The following CACNA1D variants were observed in gnomAD, a reference collection of about 807,000 sequenced individuals.
CACNA1D encodes voltage-dependent L-type calcium channel subunit alpha-1D.
In CACNA1D, 55 loss-of-function variants were observed where a neutral mutation model predicts 257.1. The observed-to-expected ratio is 0.21, with a 90% confidence interval of 0.17 to 0.27. CACNA1D has a LOEUF of 0.27. Ranked by LOEUF, CACNA1D falls within the 10% of genes least tolerant of loss-of-function variation. CACNA1D has a pLI of 1.00. For synonymous variants in CACNA1D, 980 were observed against 1,014.9 expected (o/e 0.97, Z 0.65); for missense variants, 1,876 against 2,784.0 (o/e 0.67, Z 7.34).
At chr3:53,715,900 A>G (rs914447103) in intron 9 of CACNA1D, among the ~76,000 whole-genome samples, 1 of 152,208 alleles carries the variant, frequency 6.6e-6, no homozygotes, top group Non-Finnish European at 1.5e-5. Context: ...AGCAACTAGA[A>G]CATTTCATAC....
In CACNA1D at chr3:53,811,463, G is replaced by A. The variant is rs952871862; in HGVS notation, c.*57G>A. 2.8e-6 allele frequency: 4 copies of A among 1,422,364 alleles called. No homozygotes were observed. The highest frequency in any genetic ancestry group is 2.8e-6 in the Non-Finnish European group (3 of 1,062,390). 88.1% of individuals were successfully genotyped at this position (1,422,364 alleles called of 1,614,324 possible). On this transcript the variant is annotated 3_prime_UTR_variant, in exon 48 of 48. Coordinates refer to ENST00000350061, the MANE Select transcript of CACNA1D (RefSeq NM_001128840.3). The surrounding 1 kb of genome is among the most constrained non-coding windows in gnomAD (Gnocchi z 4.2). The stretch of plus-strand genomic sequence containing the variant: ...CAGGTGGGGCGCAGGAGAGCCAGGG[G>A]AAAAGTGCCTCATAGTTAGGAAAGT...
At chr3:53,703,910 G>T (rs1261041385) in intron 9 of CACNA1D, among the ~76,000 whole-genome samples, 1 of 152,198 alleles carries the variant, frequency 6.6e-6, no homozygotes, top group African/African-American at 2.4e-5. Flanking sequence ...CCGCCGACGA[G>T]GGATCGAGGA....
At chr3:53,802,013 G>C in intron 42 of CACNA1D, 134 bp from the exon 43 acceptor site, 1 of 800,384 alleles carries the variant, frequency 1.2e-6, no homozygotes, top group South Asian at 1.4e-5. Flanking sequence ...CCAGGTGGCA[G>C]CCCCTATGTG....
At chr3:53,505,986 TCTG>T (rs2090829294) in intron 3 of CACNA1D, among the ~76,000 whole-genome samples, 1 of 152,172 alleles carries the variant, frequency 6.6e-6, no homozygotes, top group African/African-American at 2.4e-5. Flanking sequence ...GTCCGTTGTA[TCTG>T]CATGGTCACG....
intron 3 of CACNA1D, among the ~76,000 whole-genome samples, chr3:53,565,348 G>A (rs1270893275): frequency 2.0e-5 from 3 of 151,744 alleles, no homozygotes; most frequent in African/African-American, 7.3e-5. Flanking sequence ...ACACACACAC[G>A]TACACACATG....
At chr3:53,680,589 G>A (rs538099062) in intron 8 of CACNA1D, among the ~76,000 whole-genome samples, 2 of 152,218 alleles carry the variant, frequency 1.3e-5, no homozygotes, top group East Asian at 1.9e-4. Context: ...CAAATCCTAG[G>A]GGAAGAGAAT....
Position 53,698,944 on chromosome 3 carries a change from G to A in CACNA1D, c.1221-3697G>A, listed in dbSNP as rs566356824. 1.1e-3 allele frequency among the ~76,000 whole-genome samples: 174 copies of A among 151,690 alleles called. 1 individual carries two copies. Among genetic ancestry groups the A allele is most frequent in the Middle Eastern group, 0.01 (3 of 294 alleles). Reference sequence around the variant, plus strand: ...TTTTAGTCACTTGCAAAAGTCTGTTGGTTTCTACCAATAGCTTTATTAAAT... The same window carrying A: ...TTTTAGTCACTTGCAAAAGTCTGTTAGTTTCTACCAATAGCTTTATTAAAT... On this transcript the variant is annotated intron_variant, in intron 8 of 47. Transcript: ENST00000350061.
intron 15 of CACNA1D, among the ~76,000 whole-genome samples, chr3:53,727,994 G>A (rs751350615): frequency 1.7e-4 from 26 of 151,898 alleles, no homozygotes; most frequent in Non-Finnish European, 1.0e-4. Context: ...CCCTTGACTC[G>A]GCTCTAAGGC....
chr3:53,702,770 G>A lies in CACNA1D; in HGVS notation c.1350G>A (p.Pro450=), dbSNP rs35434249. The change falls in exon 9 of 48, where the codon CCG becomes CCA. Residue 450 remains proline (P), a synonymous_variant. Coordinates refer to ENST00000350061, the MANE Select transcript of CACNA1D (RefSeq NM_001128840.3). The part of the protein sequence containing the change: ...DWITQAEDID[P]ENEEEGGEEG... Reference sequence around the variant, plus strand: ...TCACCCAAGCTGAGGACATCGATCCGGAGAATGAGGAAGAAGGAGGAGAGG... The same window carrying A: ...TCACCCAAGCTGAGGACATCGATCCAGAGAATGAGGAAGAAGGAGGAGAGG... 1.1e-3 allele frequency: 1,782 copies of A among 1,614,202 alleles called. 17 individuals carry two copies. In the African/African-American group the frequency reaches 0.02, roughly 18 times the overall value.
rs189246592 is a variant in CACNA1D, at chr3:53,513,327, G to A, written c.483+11607G>A. Among the ~76,000 whole-genome samples the A allele has an allele frequency of 1.5e-3, 223 of 152,274 alleles. 2 individuals are homozygous for A. The highest frequency in any genetic ancestry group is 4.9e-3 in the African/African-American group (205 of 41,556). On this transcript the variant is annotated intron_variant, in intron 3 of 47. Coordinates refer to ENST00000350061, the MANE Select transcript of CACNA1D (RefSeq NM_001128840.3). Reference sequence around the variant, plus strand: ...GTAGTCATTGTGCCTTTGTAACATTGTAGCACAATTACTTTATTTTAAAAA... The same window carrying A: ...GTAGTCATTGTGCCTTTGTAACATTATAGCACAATTACTTTATTTTAAAAA...
At chr3:53,504,776 A>G (rs1368836988) in intron 3 of CACNA1D, among the ~76,000 whole-genome samples, 2 of 152,154 alleles carry the variant, frequency 1.3e-5, no homozygotes, top group South Asian at 4.1e-4. Flanking sequence ...CTTCACTGTG[A>G]TGAAAAATGC....
In CACNA1D at chr3:53,495,283, G is replaced by A. The variant is rs2090296295; in HGVS notation, c.67+50G>A. 2 of 1,610,534 alleles carry A rather than the reference G, an allele frequency of 1.2e-6. No individual in the cohort carries two copies. The highest frequency in any genetic ancestry group is 1.7e-6 in the Non-Finnish European group (2 of 1,178,178). On this transcript the variant is annotated intron_variant, in intron 1 of 47. Coordinates refer to ENST00000350061, the MANE Select transcript of CACNA1D (RefSeq NM_001128840.3). This position sits in a 1 kb window ranked among gnomAD's most constrained non-coding sequence, Gnocchi z 5.1. Reference sequence around the variant, plus strand: ...CGCTGCCAAATCCGATCCTGTCATGGTCCTCCAGCCCCCTCCCCCTTCCCC... The same window carrying A: ...CGCTGCCAAATCCGATCCTGTCATGATCCTCCAGCCCCCTCCCCCTTCCCC...
At chr3:53,569,001 C>T (rs867418028) in intron 3 of CACNA1D, among the ~76,000 whole-genome samples, 12 of 152,260 alleles carry the variant, frequency 7.9e-5, no homozygotes, top group Middle Eastern at 3.4e-3. Flanking sequence ...CATCCTCCCT[C>T]GTTAATGCAC....
intron 3 of CACNA1D, among the ~76,000 whole-genome samples, chr3:53,567,721 T>G (rs866836044): frequency 6.6e-6 from 1 of 152,256 alleles, no homozygotes; most frequent in Non-Finnish European, 1.5e-5. Context: ...TTTTCATTAA[T>G]AAATACTTTA....
chr3:53,742,921 G>C (rs2095131645), intron 21 of CACNA1D, 90 bp from the exon 22 acceptor site: 1 of 836,948 alleles, frequency 1.2e-6, no homozygotes, highest in South Asian at 1.3e-5. Context: ...TGTTAATGAA[G>C]TTATACTTTC....
chr3:53,508,984 G>A (rs1200321010), intron 3 of CACNA1D, among the ~76,000 whole-genome samples: 4 of 152,224 alleles, frequency 2.6e-5, no homozygotes, highest in Non-Finnish European at 5.9e-5. Flanking sequence ...TAGAGGGCTG[G>A]TTAGCAGTTG....
intron 10 of CACNA1D, 52 bp downstream of exon 10, chr3:53,718,440 C>T: frequency 6.4e-7 from 1 of 1,553,416 alleles, no homozygotes; most frequent in Admixed American, 1.7e-5. Flanking sequence ...CTCAGAGAAG[C>T]AGGTGGTGAG....
Position 53,753,173 on chromosome 3 carries a change from A to C in CACNA1D, c.3676-399A>C, listed in dbSNP as rs114070709. On this transcript the variant is annotated intron_variant, in intron 28 of 47. Transcript: ENST00000350061. ...GAAGAAAGTGTAAAATCAAGAAAAC[A>C]CTGCCTTTTATTCAACATAAACTTA... 5.6e-3 allele frequency among the ~76,000 whole-genome samples: 855 copies of C among 152,332 alleles called. 5 individuals carry two copies. Among genetic ancestry groups the C allele is most frequent in the Non-Finnish European group, 0.01 (689 of 68,016 alleles).
chr3:53,502,193 T>C (rs142696506), intron 3 of CACNA1D, among the ~76,000 whole-genome samples: 1 of 152,080 alleles, frequency 6.6e-6, no homozygotes, highest in Non-Finnish European at 1.5e-5. Flanking sequence ...CTAATAAATC[T>C]ACATAGAGCA....
Sources: allele counts gnomAD v4.1 joint callset (sites outside exome capture counted in the v4.1 genomes callset), GRCh38; gene constraint gnomAD v4.1.1; non-coding constraint Gnocchi (gnomAD v3.1); transcripts MANE v1.5; gene names NCBI Gene and HGNC (gene_info 2026-07-23, HGNC 2026-07-21).